The following PDE3A variants were observed in gnomAD, a reference collection of about 807,000 sequenced individuals.
PDE3A encodes the protein cGMP-inhibited 3',5'-cyclic phosphodiesterase 3A.
In PDE3A, 43 loss-of-function variants were observed where a neutral mutation model predicts 98.3. The ratio of observed to expected loss-of-function variants is 0.44; its 90% CI spans 0.34 to 0.56. The LOEUF (loss-of-function observed/expected upper bound fraction) is 0.56, where lower values mean the gene tolerates loss of function less well. PDE3A is among the 20% of genes least tolerant of loss of function. PDE3A has a pLI of 0.01. For synonymous variants in PDE3A, 663 were observed against 567.9 expected, an observed-to-expected ratio of 1.17 and a Z score of -2.38; for missense variants, 1,427 against 1,440.7, an observed-to-expected ratio of 0.99 and a Z score of 0.15.
chr12:20,506,128 G>A lies in PDE3A; in HGVS notation c.961-50532G>A, dbSNP rs796534340. On this transcript the variant is annotated intron_variant, in intron 1 of 15. Coordinates refer to ENST00000359062, the MANE Select transcript of PDE3A (RefSeq NM_000921.5). ...TGTGTGTGTGTGTGTGTGTGTGTGT[G>A]TATGTGTGTGTAGCAGGTTAAACAA... 7.5e-5 allele frequency among the ~76,000 whole-genome samples: 11 copies of A among 146,916 alleles called. No individual in the cohort carries two copies. The South Asian group carries it at 1.3e-3, about 17-fold the overall frequency.
At chr12:20,597,338 A>T (rs1236822573) in intron 2 of PDE3A, among the ~76,000 whole-genome samples, 2 of 152,138 alleles carry the variant, frequency 1.3e-5, no homozygotes, top group Non-Finnish European at 2.9e-5. Context: ...AAAGCCTTGA[A>T]GTCCATGTTT....
chr12:20,679,927 T>C (rs1945732835), intron 15 of PDE3A, 103 bp from the exon 16 acceptor site: 3 of 361,270 alleles, frequency 8.3e-6, no homozygotes. Flanking sequence ...TATAATAAGG[T>C]TATGGATTAA....
intron 1 of PDE3A, among the ~76,000 whole-genome samples, chr12:20,417,086 C>A (rs1944432915): frequency 2.6e-5 from 4 of 152,110 alleles, no homozygotes; most frequent in Admixed American, 2.0e-4. Context: ...GTTTCTGCAA[C>A]TAGAATTCAT....
At chr12:20,390,085 G>A (rs556467837) in intron 1 of PDE3A, among the ~76,000 whole-genome samples, 2 of 151,888 alleles carry the variant, frequency 1.3e-5, no homozygotes, top group South Asian at 4.2e-4. Context: ...CTGGGTTGTG[G>A]AAAAGACAGG....
intron 15 of PDE3A, among the ~76,000 whole-genome samples, chr12:20,660,419 A>C (rs531692659): frequency 9.2e-5 from 14 of 152,202 alleles, no homozygotes; most frequent in Non-Finnish European, 1.8e-4. Context: ...ACACAGTAAC[A>C]GGCAGAGATT....
At chr12:20,394,042 G>A (rs2120623205) in intron 1 of PDE3A, among the ~76,000 whole-genome samples, 1 of 152,158 alleles carries the variant, frequency 6.6e-6, no homozygotes, top group East Asian at 1.9e-4. Flanking sequence ...AACCTAATTT[G>A]TGGACCACGC....
chr12:20,480,441 C>G (rs1432713652), intron 1 of PDE3A, among the ~76,000 whole-genome samples: 1 of 152,172 alleles, frequency 6.6e-6, no homozygotes. Flanking sequence ...TATGGACAAG[C>G]TACTGTGTGT....
intron 2 of PDE3A, among the ~76,000 whole-genome samples, chr12:20,576,570 T>C (rs542581399): frequency 7.2e-5 from 11 of 152,214 alleles, no homozygotes; most frequent in African/African-American, 1.9e-4. Flanking sequence ...TGGTCTTACA[T>C]GATGTGAAAG....
intron 1 of PDE3A, among the ~76,000 whole-genome samples, chr12:20,478,519 A>G (rs962658796): frequency 6.6e-6 from 1 of 152,048 alleles, no homozygotes; most frequent in African/African-American, 2.4e-5. Flanking sequence ...TTTTTCTTGT[A>G]TTTTCAGTAC....
chr12:20,397,713 A>G (rs190920364), intron 1 of PDE3A, among the ~76,000 whole-genome samples: 22 of 152,190 alleles, frequency 1.4e-4, no homozygotes, highest in African/African-American at 4.1e-4. Context: ...TTCAATTTAG[A>G]GTGTAAAATA....
intron 1 of PDE3A, among the ~76,000 whole-genome samples, chr12:20,385,184 C>T (rs1419179361): frequency 1.3e-5 from 2 of 151,992 alleles, no homozygotes; most frequent in African/African-American, 4.8e-5. Context: ...CACAGCCTCA[C>T]CAGCACCTGT....
chr12:20,409,995 C>A (rs1041500864), intron 1 of PDE3A, among the ~76,000 whole-genome samples: 2 of 152,118 alleles, frequency 1.3e-5, no homozygotes, highest in African/African-American at 2.4e-5. Context: ...CTATATTGAA[C>A]CAAAAACTGC....
intron 7 of PDE3A, 150 bp downstream of exon 7, chr12:20,633,928 G>C (rs1022062276): frequency 1.8e-6 from 1 of 543,478 alleles, no homozygotes; most frequent in Non-Finnish European, 3.3e-6. Context: ...TCAAACTCCT[G>C]GCCTCAAGTG....
chr12:20,369,325 C>A lies in PDE3A; in HGVS notation c.41C>A (p.Pro14His), dbSNP rs760476404. ...PGDAARVRDK[P>H]VHSGVSQAPT... ...GACGCTGCACGAGTCAGGGACAAGC[C>A]CGTCCACAGTGGGGTGAGTCAAGCC... The change falls in exon 1 of 16, where the codon CCC becomes CAC. Residue 14 changes from proline to histidine, a missense_variant. Transcript: ENST00000359062. 1.2e-5 allele frequency: 18 copies of A among 1,546,428 alleles called. No homozygotes were observed. The highest frequency in any genetic ancestry group is 3.6e-4 in the Middle Eastern group (2 of 5,590).
intron 2 of PDE3A, among the ~76,000 whole-genome samples, chr12:20,585,065 C>G (rs1020210512): frequency 6.6e-6 from 1 of 152,138 alleles, no homozygotes; most frequent in African/African-American, 2.4e-5. Context: ...TGTTCTTTCT[C>G]TAGTTGCTAA....
intron 1 of PDE3A, among the ~76,000 whole-genome samples, chr12:20,426,077 A>AT (rs1263638628): frequency 7.9e-5 from 12 of 152,326 alleles, no homozygotes; most frequent in Admixed American, 2.6e-4. Context: ...ATGTATTTGA[A>AT]TATTCAAGAC....
rs372777527 is a variant in PDE3A, at chr12:20,438,901, C to T, written c.960+68657C>T. ...CCACCTCCCAGGTTAAAGCGATTCT[C>T]CTGTCTCAGCCTCCTGAGTAGCTGG... is the stretch of plus-strand genomic sequence containing the variant. On this transcript the variant is annotated intron_variant, in intron 1 of 15. Transcript: ENST00000359062. Among the ~76,000 whole-genome samples the T allele has an allele frequency of 3.3e-5, 5 of 152,126 alleles. No individual in the cohort carries two copies. The South Asian group carries it at 8.3e-4, about 25-fold the overall frequency.
Position 20,392,526 on chromosome 12 carries a change from A to C in PDE3A, c.960+22282A>C, listed in dbSNP as rs535722927. 1.2e-3 allele frequency among the ~76,000 whole-genome samples: 120 copies of C among 103,236 alleles called. 1 individual carries two copies. Among genetic ancestry groups the C allele is most frequent in the South Asian group, 6.0e-3 (16 of 2,662 alleles). 67.7% of individuals were successfully genotyped at this position (103,236 alleles called of 152,430 possible). A position where few individuals can be genotyped will look rare whatever the true frequency, so the allele number is the denominator to read the frequency against. On this transcript the variant is annotated intron_variant, in intron 1 of 15. Transcript: ENST00000359062. ...TGTCTCATAAATAAATAAATAAATA[A>C]ATAAATACATAAATAAATAAATAAA...
intron 1 of PDE3A, among the ~76,000 whole-genome samples, chr12:20,479,451 T>G (rs954657654): frequency 1.6e-4 from 25 of 152,242 alleles, no homozygotes; most frequent in Non-Finnish European, 4.4e-5. Flanking sequence ...CAGTGTTTTC[T>G]TCTCTGCTAT....
Sources: allele counts gnomAD v4.1 joint callset (sites outside exome capture counted in the v4.1 genomes callset), GRCh38; gene constraint gnomAD v4.1.1; transcripts MANE v1.5; gene names NCBI Gene and HGNC (gene_info 2026-07-23, HGNC 2026-07-21).